The following ATP13A3 variants were observed in gnomAD, a reference collection of about 807,000 sequenced individuals.
ATP13A3 encodes the protein ATPase 13A3.
A neutral mutation model predicts 158.1 loss-of-function variants in ATP13A3; 59 were observed. The ratio of observed to expected loss-of-function variants is 0.37; its 90% CI spans 0.30 to 0.46. The LOEUF (loss-of-function observed/expected upper bound fraction) is 0.46. Among genes scored for constraint, ATP13A3 ranks in the 20% least tolerant of loss-of-function variants. The pLI, the probability that ATP13A3 is intolerant of heterozygous loss-of-function variation, is 1.00. For missense variants in ATP13A3, 1,166 were observed against 1,525.2 expected, an observed-to-expected ratio of 0.76 and a Z score of 3.92; for synonymous variants, 491 against 504.3, an observed-to-expected ratio of 0.97 and a Z score of 0.35.
At chr3:194,473,311 G>A (rs1360133458) in intron 2 of ATP13A3, among the ~76,000 whole-genome samples, 1 of 152,158 alleles carries the variant, frequency 6.6e-6, no homozygotes, top group Non-Finnish European at 1.5e-5. Flanking sequence ...GAGAGAGACA[G>A]CTATATTAAT....
chr3:194,429,860 C>T, intron 26 of ATP13A3, 86 bp from the exon 27 acceptor site: 1 of 1,216,590 alleles, frequency 8.2e-7, no homozygotes, highest in Non-Finnish European at 1.2e-6. Context: ...GACAGATGAA[C>T]ATCAACATTC....
intron 29 of ATP13A3, among the ~76,000 whole-genome samples, chr3:194,426,319 A>T (rs1317371623): frequency 1.3e-5 from 2 of 152,228 alleles, no homozygotes; most frequent in East Asian, 3.8e-4. Flanking sequence ...TTTACATCTG[A>T]AAATTTAATT....
intron 6 of ATP13A3, among the ~76,000 whole-genome samples, chr3:194,457,465 T>C (rs930301347): frequency 6.6e-5 from 10 of 152,234 alleles, no homozygotes; most frequent in African/African-American, 2.4e-4. Context: ...TCATTATCCT[T>C]AAGACTGTGC....
chr3:194,413,612 C>A, intron 32 of ATP13A3, 147 bp downstream of exon 32: 2 of 735,708 alleles, frequency 2.7e-6, no homozygotes, highest in Non-Finnish European at 4.7e-6. Context: ...GAAAAGTTCA[C>A]AAGAGAAGGC....
chr3:194,453,961 C>G (rs139085904), intron 9 of ATP13A3, among the ~76,000 whole-genome samples, 183 bp from the exon 10 acceptor site: 2 of 152,308 alleles, frequency 1.3e-5, no homozygotes, highest in East Asian at 3.9e-4. Context: ...AGCACTTTAA[C>G]AGGATAGCCC....
rs1036441507 is a variant in ATP13A3 at position 194,402,901 on chromosome 3, A to C, written c.*3018T>G. ...TAGGGAATTCACAAATCATAACTAGAAGTAACTTTTATTAATTTAATGTAC... is the reference window on the plus strand; with the variant it reads ...TAGGGAATTCACAAATCATAACTAGCAGTAACTTTTATTAATTTAATGTAC... On this transcript the variant is annotated 3_prime_UTR_variant, in exon 34 of 34. Transcript: ENST00000645319. 1 of 152,220 alleles carries C rather than the reference A, an allele frequency of 6.6e-6. No homozygotes were observed. Among genetic ancestry groups the C allele is most frequent in the African/African-American group, 2.4e-5 (1 of 41,446 alleles). The allele number at this position is 152,220 out of a possible 1,614,324, so 9.4% of individuals were successfully genotyped here.
chr3:194,433,795 T>C lies in ATP13A3; in HGVS notation c.2222A>G (p.Asn741Ser), dbSNP rs200094676. 1.1e-5 allele frequency: 17 copies of C among 1,614,038 alleles called. No homozygotes were observed. The African/African-American group carries it at 1.6e-4, about 15-fold the overall frequency. Residue 741 changes from asparagine to serine, a missense_variant, in exon 21 of 34, where the codon AAC becomes AGC. Coordinates refer to ENST00000645319, the MANE Select transcript of ATP13A3 (RefSeq NM_001367549.1). ...PAVLEDLHKA[N>S]IRTVMVTGDS... Reference sequence around the variant, plus strand: ...ACCTGTGACCATGACGGTGCGAATGTTGGCTTTATGCAAATCTTCAAGTAC... The same window carrying C: ...ACCTGTGACCATGACGGTGCGAATGCTGGCTTTATGCAAATCTTCAAGTAC...
Position 194,494,260 on chromosome 3 carries a change from C to T in ATP13A3, n.536G>A. ...TGGATCCTCAGCCCCTCACAGCACACAGCGGTAGTCAGAAAGTATGCTGAG... is the reference window on the plus strand; with the variant it reads ...TGGATCCTCAGCCCCTCACAGCACATAGCGGTAGTCAGAAAGTATGCTGAG... On this transcript the variant is annotated non_coding_transcript_exon_variant, in exon 2 of 33. Coordinates refer to the ATP13A3 transcript ENST00000687055. This position sits in a 1 kb window ranked among gnomAD's most constrained non-coding sequence, Gnocchi z 4.2. The T allele has an allele frequency of 2.5e-6, 1 of 398,624 alleles. No individual in the cohort carries two copies. Among genetic ancestry groups the T allele is most frequent in the Non-Finnish European group, 4.4e-6 (1 of 226,092 alleles). 24.7% of individuals were successfully genotyped at this position (398,624 alleles called of 1,614,324 possible).
At chr3:194,411,970 T>C (rs1325596834) in intron 33 of ATP13A3, among the ~76,000 whole-genome samples, 2 of 152,156 alleles carry the variant, frequency 1.3e-5, no homozygotes, top group Admixed American at 6.5e-5. Flanking sequence ...ACTTATGAAA[T>C]TTCTGATCTT....
At chr3:194,433,535 G>A (rs541360327) in intron 21 of ATP13A3, among the ~76,000 whole-genome samples, 14 of 152,188 alleles carry the variant, frequency 9.2e-5, no homozygotes, top group South Asian at 4.2e-4. Context: ...GAGCCACCGC[G>A]CCCGGCCGTA....
At chr3:194,410,845 CAT>C (rs1208428576) in intron 33 of ATP13A3, among the ~76,000 whole-genome samples, 2 of 134,460 alleles carry the variant, frequency 1.5e-5, no homozygotes, top group East Asian at 4.5e-4. Context: ...GAATATTTCA[CAT>C]GAGAGTTGAT....
In ATP13A3 at chr3:194,444,714, C is replaced by G. The variant is rs755800978; in HGVS notation, c.1559+11G>C. ...TAAACTAATAAACTATCAAGTCTAA[C>G]TAATATTTACCGTGCATTTTCCACT... is the stretch of plus-strand genomic sequence containing the variant. On this transcript the variant is annotated intron_variant, in intron 15 of 33. Coordinates refer to ENST00000645319, the MANE Select transcript of ATP13A3 (RefSeq NM_001367549.1). The G allele has an allele frequency of 1.9e-6, 3 of 1,575,478 alleles. 1 individual carries two copies. The East Asian group carries it at 6.8e-5, about 35-fold the overall frequency.
chr3:194,467,302 TAC>T (rs1436276187), intron 2 of ATP13A3, among the ~76,000 whole-genome samples: 1 of 152,254 alleles, frequency 6.6e-6, no homozygotes, highest in Non-Finnish European at 1.5e-5. Flanking sequence ...CTTCATCTTC[TAC>T]AGTTAGACCA....
At chr3:194,454,219 C>T (rs1719032209) in intron 9 of ATP13A3, 39 bp downstream of exon 9, 2 of 1,542,866 alleles carry the variant, frequency 1.3e-6, no homozygotes, top group African/African-American at 1.4e-5. Flanking sequence ...CTACAAAATA[C>T]AAATACAGTT....
chr3:194,420,307 A>T (rs1209905023), intron 30 of ATP13A3: 1 of 162,988 alleles, frequency 6.1e-6, no homozygotes, highest in Admixed American at 6.4e-5. Context: ...AAGATAATAA[A>T]GCCAATACAT....
intron 8 of ATP13A3, among the ~76,000 whole-genome samples, 194 bp from the exon 9 acceptor site, chr3:194,454,586 T>C (rs1042067477): frequency 5.9e-5 from 9 of 151,998 alleles, no homozygotes; most frequent in Non-Finnish European, 1.3e-4. Flanking sequence ...CCCAGCACTT[T>C]GGGAGGCCAA....
chr3:194,472,308 T>C (rs551850635), intron 2 of ATP13A3, among the ~76,000 whole-genome samples: 104 of 152,114 alleles, frequency 6.8e-4, no homozygotes, highest in African/African-American at 2.4e-3. Flanking sequence ...TTTCCTTAAA[T>C]AACAATTAAT....
chr3:194,463,655 T>G (rs544014049), intron 2 of ATP13A3, among the ~76,000 whole-genome samples: 5 of 152,192 alleles, frequency 3.3e-5, no homozygotes, highest in African/African-American at 1.2e-4. Context: ...ATCTACCCAG[T>G]GCACAGCAGG....
chr3:194,414,673 C>T lies in ATP13A3; in HGVS notation c.3403-834G>A, dbSNP rs934941643. On this transcript the variant is annotated intron_variant, in intron 31 of 33. Coordinates refer to ENST00000645319, the MANE Select transcript of ATP13A3 (RefSeq NM_001367549.1). ...CTGAAAGAATCTAACAAATGGCTGG[C>T]TACGGAAAGAGGAAGAAAAGGCACA... 5.9e-5 allele frequency among the ~76,000 whole-genome samples: 9 copies of T among 151,942 alleles called. 1 individual carries two copies. Among genetic ancestry groups the T allele is most frequent in the Non-Finnish European group, 1.3e-4 (9 of 68,000 alleles).
Sources: allele counts gnomAD v4.1 joint callset (sites outside exome capture counted in the v4.1 genomes callset), GRCh38; gene constraint gnomAD v4.1.1; non-coding constraint Gnocchi (gnomAD v3.1); transcripts MANE v1.5; gene names NCBI Gene and HGNC (gene_info 2026-07-23, HGNC 2026-07-21).